DKK4: variants seen among roughly 807,000 people sequenced by gnomAD.
The protein encoded by DKK4 is dickkopf Wnt signaling pathway inhibitor 4, also known as dickkopf-related protein 4.
In DKK4, 15 loss-of-function variants were observed where a neutral mutation model predicts 14.5. That is an observed-to-expected ratio of 1.03 (90% CI 0.69 to 1.59). DKK4 has a LOEUF of 1.59. DKK4 is among the 40% of genes most tolerant of loss of function. The probability of loss-of-function intolerance (pLI) is 0.00; values close to 1 mark genes in which losing one functional copy is unlikely to be tolerated. For missense variants in DKK4, 272 were observed against 280.3 expected (o/e 0.97, Z 0.21); for synonymous variants, 89 against 105.2 (o/e 0.85, Z 0.94).
rs751128473 is a variant in DKK4 at position 42,374,788 on chromosome 8, T to G, written c.388A>C (p.Ser130Arg). 2 of 1,614,266 alleles carry G rather than the reference T, an allele frequency of 1.2e-6. No individual in the cohort carries two copies. Among genetic ancestry groups the G allele is most frequent in the East Asian group, 2.2e-5 (1 of 44,890 alleles). The stretch of plus-strand genomic sequence containing the variant: ...TTCCTGCCTTGTGATTTCTTAATAC[T>G]TGGCTTCCTTTTGGGTTGGTTTTCC... Reference protein sequence around the residue: ...VQENQPKRKPSIKKSQGRKGQ... With the variant: ...VQENQPKRKPRIKKSQGRKGQ... The change falls in exon 3 of 4, where the codon AGT (serine) becomes CGT (arginine). Residue 130 changes from serine to arginine, a missense_variant. Ser to Arg is a moderately radical substitution (Grantham distance 110). Coordinates refer to ENST00000220812, the MANE Select transcript of DKK4 (RefSeq NM_014420.3).
upstream of DKK4, among the ~76,000 whole-genome samples, chr8:42,379,393 A>ATATATT (rs1824628469): frequency 1.1e-5 from 1 of 94,982 alleles, no homozygotes; most frequent in Non-Finnish European, 2.3e-5. Flanking sequence ...AGAGAGAGAG[A>ATATATT]GAGAGAGAGA....
chr8:42,382,647 C>T, the DKK4 span, among the ~76,000 whole-genome samples: 5 of 152,340 alleles, frequency 3.3e-5, no homozygotes, highest in South Asian at 8.3e-4. Context: ...AGGAAGCCGT[C>T]GTGCGAAGTT....
chr8:42,388,021 G>C, the DKK4 span, among the ~76,000 whole-genome samples: 1 of 152,058 alleles, frequency 6.6e-6, no homozygotes, highest in African/African-American at 2.4e-5. Flanking sequence ...ACCTCTGCCT[G>C]CTCAGTAGTC....
the DKK4 span, among the ~76,000 whole-genome samples, chr8:42,387,281 G>C: frequency 1.3e-5 from 2 of 151,746 alleles, no homozygotes; most frequent in African/African-American, 2.4e-5. Context: ...AGTGTGGGTG[G>C]GAAATGAGAA....
Position 42,374,122 on chromosome 8 carries a change from C to T in DKK4, c.653G>A (p.Cys218Tyr), listed in dbSNP as rs367991952. 5 of 1,611,654 alleles carry T rather than the reference C, an allele frequency of 3.1e-6. No homozygotes were observed. Among genetic ancestry groups the T allele is most frequent in the Non-Finnish European group, 3.4e-6 (4 of 1,179,800 alleles). ...SNRQHARLRV[C>Y]QKIEKL is the part of the protein sequence containing the mutation. Reference sequence around the variant, plus strand: ...TATTTATAGCTTTTCTATTTTTTGGCATACTCTTAATCGAGCATGCTGCCG... The same window carrying T: ...TATTTATAGCTTTTCTATTTTTTGGTATACTCTTAATCGAGCATGCTGCCG... Residue 218 changes from cysteine (C) to tyrosine (Y), a missense_variant, in exon 4 of 4, where the codon TGC (cysteine) becomes TAC (tyrosine). Cys to Tyr is a radical substitution (Grantham distance 194). Coordinates refer to ENST00000220812, the MANE Select transcript of DKK4 (RefSeq NM_014420.3).
intron 1 of DKK4, 97 bp downstream of exon 1, chr8:42,376,838 C>T: frequency 9.9e-7 from 1 of 1,009,072 alleles, no homozygotes; most frequent in Non-Finnish European, 1.5e-6. Flanking sequence ...CTAGGTAAGA[C>T]ATTTCATACA....
At chr8:42,387,931 C>T in the DKK4 span, among the ~76,000 whole-genome samples, 1 of 152,196 alleles carries the variant, frequency 6.6e-6, no homozygotes, top group African/African-American at 2.4e-5. Flanking sequence ...TGGTCTGTCA[C>T]TCAGGCTGTG....
upstream of DKK4, among the ~76,000 whole-genome samples, chr8:42,381,684 T>C (rs1188799458): frequency 1.3e-5 from 2 of 152,164 alleles, no homozygotes; most frequent in South Asian, 2.1e-4. Context: ...AATTGCCTAC[T>C]TCTTTGTCTC....
At chr8:42,382,553 C>T in the DKK4 span, among the ~76,000 whole-genome samples, 1 of 152,248 alleles carries the variant, frequency 6.6e-6, no homozygotes, top group African/African-American at 2.4e-5. Flanking sequence ...GAATTCACTC[C>T]ACAAGGCCTC....
chr8:42,378,106 A>AT (rs1278103697), upstream of DKK4, among the ~76,000 whole-genome samples: 6 of 151,986 alleles, frequency 3.9e-5, no homozygotes, highest in Admixed American at 2.0e-4. Flanking sequence ...TTCCTGTCTG[A>AT]TTTTTTTCCA....
upstream of DKK4, among the ~76,000 whole-genome samples, chr8:42,378,535 T>C (rs987907465): frequency 2.6e-5 from 4 of 152,186 alleles, no homozygotes; most frequent in Non-Finnish European, 5.9e-5. Flanking sequence ...TTTGATAGCA[T>C]GATAACCCTG....
In DKK4 at chr8:42,376,947, A is replaced by G. The variant is rs372340953; in HGVS notation, c.99T>C (p.His33=). The G allele has an allele frequency of 1.9e-6, 3 of 1,613,478 alleles. No individual in the cohort carries two copies. The highest frequency in any genetic ancestry group is 2.5e-6 in the Non-Finnish European group (3 of 1,179,972). Reference sequence around the variant, plus strand: ...CTAGCAGCCTTACCTTCCGGGCCCCATGCAGGTCAGCAGAGCTCCTGATGT... The same window carrying G: ...CTAGCAGCCTTACCTTCCGGGCCCCGTGCAGGTCAGCAGAGCTCCTGATGT... ...FNNIRSSADL[H]GARKGSQCLS... The change falls in exon 1 of 4, where the codon CAT becomes CAC. Residue 33 remains histidine, a synonymous_variant. Transcript: ENST00000220812.
chr8:42,385,144 C>A, the DKK4 span, among the ~76,000 whole-genome samples: 1 of 152,176 alleles, frequency 6.6e-6, no homozygotes, highest in Non-Finnish European at 1.5e-5. Context: ...CTAATTCCAG[C>A]ACTTTGGGAG....
upstream of DKK4, among the ~76,000 whole-genome samples, chr8:42,377,932 G>A (rs1274657711): frequency 6.6e-6 from 1 of 152,178 alleles, no homozygotes; most frequent in Non-Finnish European, 1.5e-5. Context: ...AATTCAGTAC[G>A]AAGCTTTGGG....
the DKK4 span, among the ~76,000 whole-genome samples, chr8:42,389,455 A>G: frequency 2.0e-5 from 3 of 152,194 alleles, no homozygotes; most frequent in African/African-American, 7.2e-5. Context: ...GACATTGACC[A>G]TATTTGGCCT....
At chr8:42,379,212 C>T (rs1824618443), upstream of DKK4, among the ~76,000 whole-genome samples, 1 of 147,374 alleles carries the variant, frequency 6.8e-6, no homozygotes, top group African/African-American at 2.5e-5. Context: ...CACGGTGCCA[C>T]TGCACTCCAG....
At position 42,376,918 on chromosome 8, in the gene DKK4, C is replaced by T. The variant is rs369841282; in HGVS notation, c.111+17G>A. The T allele has an allele frequency of 1.1e-5, 17 of 1,609,208 alleles. No individual in the cohort carries two copies. The highest frequency in any genetic ancestry group is 2.2e-5 in the East Asian group (1 of 44,882). ...GTCAGCAGTCCCGTACCTCGCCCCC[C>T]TCCCTAGCAGCCTTACCTTCCGGGC... On this transcript the variant is annotated intron_variant, in intron 1 of 3. Transcript: ENST00000220812.
chr8:42,375,621 C>G, intron 2 of DKK4, 59 bp downstream of exon 2: 1 of 1,601,328 alleles, frequency 6.2e-7, no homozygotes, highest in Non-Finnish European at 8.5e-7. Context: ...ATATTCTAGT[C>G]TATGGGGCTT....
rs1824580040 is a variant in DKK4, at chr8:42,377,073, C to T, written c.-28G>A. On this transcript the variant is annotated 5_prime_UTR_variant, in exon 1 of 4. Transcript: ENST00000220812. ...TTCAATCCCGGGGCTCCTGGAGGGTCCCAGCACTGTGCGTCACCAAAGCGA... is the reference window on the plus strand; with the variant it reads ...TTCAATCCCGGGGCTCCTGGAGGGTTCCAGCACTGTGCGTCACCAAAGCGA... The T allele has an allele frequency of 6.3e-7, 1 of 1,592,916 alleles. No individual in the cohort carries two copies. Among genetic ancestry groups the T allele is most frequent in the Middle Eastern group, 1.7e-4 (1 of 6,006 alleles).
Sources: allele counts gnomAD v4.1 joint callset (sites outside exome capture counted in the v4.1 genomes callset), GRCh38; gene constraint gnomAD v4.1.1; transcripts MANE v1.5; gene names NCBI Gene and HGNC (gene_info 2026-07-23, HGNC 2026-07-21).